The following KDM1A variants were observed in gnomAD, a reference collection of about 807,000 sequenced individuals.
KDM1A encodes lysine demethylase 1A, also known as lysine-specific histone demethylase 1A.
KDM1A carries 49 observed loss-of-function variants against 109.4 expected under a neutral mutation model. The ratio of observed to expected loss-of-function variants is 0.45; its 90% CI spans 0.36 to 0.57. The LOEUF (loss-of-function observed/expected upper bound fraction) is 0.57. Ranked by LOEUF, KDM1A falls within the 20% of genes least tolerant of loss-of-function variation. The probability of loss-of-function intolerance (pLI) is 0.00; values close to 1 mark genes in which losing one functional copy is unlikely to be tolerated. For missense variants in KDM1A, 668 were observed against 1,116.6 expected (o/e 0.60, Z 5.73); for synonymous variants, 380 against 415.4 (o/e 0.91, Z 1.04).
At chr1:23,069,960 G>C (rs1402792391) in intron 12 of KDM1A, among the ~76,000 whole-genome samples, 1 of 152,226 alleles carries the variant, frequency 6.6e-6, no homozygotes, top group Admixed American at 6.5e-5. Context: ...CTGGACTCTT[G>C]CCTCACTCTC....
In KDM1A at chr1:23,050,383, T is replaced by G. The variant is rs543061739; in HGVS notation, c.578-4T>G. 1.9e-6 allele frequency: 3 copies of G among 1,598,736 alleles called. No homozygotes were observed. In the South Asian group the frequency reaches 3.4e-5, roughly 18 times the overall value. On this transcript the variant is annotated splice_polypyrimidine_tract_variant and splice_region_variant and intron_variant, in intron 3 of 20. Coordinates refer to ENST00000400181, the MANE Select transcript of KDM1A (RefSeq NM_001009999.3). ...TCCTAGATGTCCTTTGCTTTCTTCG[T>G]TAGGTGTGGAGGGCGCAGCTTTCCA...
At chr1:23,076,556 A>G (rs1569814180) in intron 15 of KDM1A, among the ~76,000 whole-genome samples, 1 of 152,326 alleles carries the variant, frequency 6.6e-6, no homozygotes, top group South Asian at 2.1e-4. Flanking sequence ...AAAGCCAGAT[A>G]AATAAACTTG....
At chr1:23,021,419 T>C (rs1368462029) in intron 1 of KDM1A, among the ~76,000 whole-genome samples, 1 of 152,164 alleles carries the variant, frequency 6.6e-6, no homozygotes, top group Non-Finnish European at 1.5e-5. Flanking sequence ...CCCTGCACTT[T>C]GGGAGGCCAA....
chr1:23,065,768 CTT>C (rs1182806264), intron 9 of KDM1A, among the ~76,000 whole-genome samples: 1 of 152,062 alleles, frequency 6.6e-6, no homozygotes, highest in Non-Finnish European at 1.5e-5. Context: ...TTCCTTTCCT[CTT>C]TTGAGTTTTG....
Position 23,082,244 on chromosome 1 carries a change from T to C in KDM1A, c.2323T>C (p.Trp775Arg). Residue 775 changes from tryptophan to arginine, a missense_variant, in exon 20 of 21, where the codon TGG becomes CGG. Physicochemically the swap from Trp to Arg is moderately radical, Grantham distance 101 (BLOSUM62 -3). Transcript: ENST00000400181. ...GCCCAAAGAAACTGTGGTGTCTCGT[T>C]GGCGTGCTGATCCCTGGGCTCGGGG... Reference protein sequence around the residue: ...PQPKETVVSRWRADPWARGSY... With the variant: ...PQPKETVVSRRRADPWARGSY... 1 of 1,613,906 alleles carries C rather than the reference T, an allele frequency of 6.2e-7. No individual in the cohort carries two copies. The highest frequency in any genetic ancestry group is 8.5e-7 in the Non-Finnish European group (1 of 1,179,980).
intron 2 of KDM1A, among the ~76,000 whole-genome samples, chr1:23,035,977 C>G (rs1642131189): frequency 6.6e-6 from 1 of 152,104 alleles, no homozygotes; most frequent in African/African-American, 2.4e-5. Flanking sequence ...ATACCCTGAT[C>G]TCTTCCCTGT....
chr1:23,059,638 A>AT (rs1642942435), intron 9 of KDM1A, among the ~76,000 whole-genome samples: 1 of 152,202 alleles, frequency 6.6e-6, no homozygotes, highest in Non-Finnish European at 1.5e-5. Flanking sequence ...AGGCTAAAGT[A>AT]TTTATTGACC....
In KDM1A at chr1:23,024,152, AT is replaced by A. The variant is rs554767150; in HGVS notation, c.351+4212del. On this transcript the variant is annotated intron_variant, in intron 1 of 20. Transcript: ENST00000400181. ...ACATGAGCCACCTCACCCAACCAAGATTTTTTTCTTTGTAATTCTCCTGTGT... is the reference window on the plus strand; with the variant it reads ...ACATGAGCCACCTCACCCAACCAAGATTTTTTCTTTGTAATTCTCCTGTGT... 3.3e-5 allele frequency among the ~76,000 whole-genome samples: 5 copies of A among 151,388 alleles called. No individual in the cohort carries two copies. In the South Asian group the frequency reaches 1.0e-3, roughly 31 times the overall value.
intron 15 of KDM1A, among the ~76,000 whole-genome samples, chr1:23,073,783 GTA>G (rs142079674): frequency 6.6e-5 from 10 of 152,296 alleles, no homozygotes; most frequent in Non-Finnish European, 1.3e-4. Context: ...ATTTCACTTA[GTA>G]TAGTTTTTGA....
Position 23,030,607 on chromosome 1 carries a change from A to T in KDM1A, c.490A>T (p.Asn164Tyr). 2 of 1,583,846 alleles carry T rather than the reference A, an allele frequency of 1.3e-6. No homozygotes were observed. Among genetic ancestry groups the T allele is most frequent in the South Asian group, 2.3e-5 (2 of 85,448 alleles). The change falls in exon 2 of 21, where the codon AAT becomes TAT. Residue 164 changes from asparagine to tyrosine, a missense_variant. Coordinates refer to ENST00000400181, the MANE Select transcript of KDM1A (RefSeq NM_001009999.3). ...PPPQAPPEEE[N>Y]ESEPEEPSGQ... is the part of the protein sequence containing the mutation. ...CCCTCAAGCCCCACCTGAGGAAGAA[A>T]ATGAAAGTGAGCCTGAAGAACCATC...
intron 1 of KDM1A, among the ~76,000 whole-genome samples, chr1:23,027,515 C>T (rs1175778217): frequency 6.8e-6 from 1 of 147,766 alleles, no homozygotes; most frequent in Admixed American, 6.7e-5. Flanking sequence ...CCCCCCGCCC[C>T]CACCAGGTTC....
At chr1:23,045,680 T>TG (rs1257167904) in intron 3 of KDM1A, among the ~76,000 whole-genome samples, 24 of 152,224 alleles carry the variant, frequency 1.6e-4, no homozygotes, top group African/African-American at 5.3e-4. Context: ...TGTTTTTTTT[T>TG]TGTGTGTGAC....
At chr1:23,033,275 A>C (rs1017534965) in intron 2 of KDM1A, among the ~76,000 whole-genome samples, 2 of 152,186 alleles carry the variant, frequency 1.3e-5, no homozygotes, top group African/African-American at 4.8e-5. Flanking sequence ...GGCTCCCAGC[A>C]CTTTGAGAGG....
intron 10 of KDM1A, among the ~76,000 whole-genome samples, chr1:23,067,471 T>C (rs1006001135): frequency 6.6e-6 from 1 of 152,160 alleles, no homozygotes; most frequent in Non-Finnish European, 1.5e-5. Flanking sequence ...AAATGAGAGG[T>C]AGAATCTTAC....
At position 23,030,461 on chromosome 1, in the gene KDM1A, C is replaced by A; in HGVS notation, c.352-8C>A. On this transcript the variant is annotated splice_polypyrimidine_tract_variant and splice_region_variant and intron_variant, in intron 1 of 20. Transcript: ENST00000400181. ...CATTTAGCTTTCCCTGGTATGATCT[C>A]CATATAGGTAGAGTACAGAGAGATG... The A allele has an allele frequency of 6.5e-7, 1 of 1,543,726 alleles. No individual in the cohort carries two copies. Among genetic ancestry groups the A allele is most frequent in the Non-Finnish European group, 8.7e-7 (1 of 1,152,170 alleles).
chr1:23,044,346 G>A (rs780915806), intron 2 of KDM1A, 81 bp from the exon 3 acceptor site: 23 of 1,312,174 alleles, frequency 1.8e-5, no homozygotes, highest in East Asian at 5.0e-5. Flanking sequence ...TTCATGAGTC[G>A]CCAACTATTA....
In KDM1A at chr1:23,071,305, T is replaced by C; in HGVS notation, c.1494T>C (p.Ile498=). Reference sequence around the variant, plus strand: ...CTGAAGTAAAGCCACCCAGAGATATTACTGCCGAGTTCTTAGTGAAAAGCA... The same window carrying C: ...CTGAAGTAAAGCCACCCAGAGATATCACTGCCGAGTTCTTAGTGAAAAGCA... ...EASEVKPPRD[I]TAEFLVKSKH... The change falls in exon 13 of 21, where the codon ATT becomes ATC. Residue 498 remains isoleucine (I), a synonymous_variant. Coordinates refer to ENST00000400181, the MANE Select transcript of KDM1A (RefSeq NM_001009999.3). 2.5e-6 allele frequency: 4 copies of C among 1,613,686 alleles called. No homozygotes were observed. The highest frequency in any genetic ancestry group is 3.4e-6 in the Non-Finnish European group (4 of 1,179,816).
At position 23,055,123 on chromosome 1, in the gene KDM1A, T is replaced by C. The variant is rs964043934; in HGVS notation, c.845T>C (p.Ile282Thr). The change falls in exon 6 of 21, where the codon ATC becomes ACC. Residue 282 changes from isoleucine to threonine, a missense_variant. Transcript: ENST00000400181. ...AGTTATTTAGAGCGTCATGGTCTTA[T>C]CAACTTCGGCATCTATAAGAGGATA... ...VHSYLERHGLINFGIYKRIKP... is the reference protein window; with the variant it reads ...VHSYLERHGLTNFGIYKRIKP... 1.2e-6 allele frequency: 2 copies of C among 1,612,344 alleles called. No individual in the cohort carries two copies. The highest frequency in any genetic ancestry group is 1.3e-5 in the African/African-American group (1 of 74,846).
intron 7 of KDM1A, 106 bp from the exon 8 acceptor site, chr1:23,057,378 A>G (rs1400407471): frequency 2.5e-6 from 2 of 802,608 alleles, no homozygotes; most frequent in Non-Finnish European, 4.2e-6. Flanking sequence ...TGTAAACTCT[A>G]CATCTTTATT....
Sources: gnomAD v4.1 joint callset for allele counts (sites outside exome capture counted in the v4.1 genomes callset) on GRCh38, gnomAD v4.1.1 for gene constraint, MANE v1.5 for transcripts, NCBI Gene and HGNC (gene_info 2026-07-23, HGNC 2026-07-21) for gene names.